ZFC3H1: variants seen among roughly 807,000 people sequenced by gnomAD.
ZFC3H1 encodes zinc finger C3H1-type containing, also known as zinc finger C3H1 domain-containing protein.
ZFC3H1 carries 71 observed loss-of-function variants against 243.7 expected under a neutral mutation model. The observed-to-expected ratio is 0.29, with a 90% CI of 0.24 to 0.36. ZFC3H1 has a LOEUF of 0.36. ZFC3H1 is among the 10% of genes least tolerant of loss of function. The pLI is 1.00. For synonymous variants in ZFC3H1, 838 were observed against 813.0 expected, an observed-to-expected ratio of 1.03 and a Z score of -0.52; for missense variants, 1,966 against 2,317.1, an observed-to-expected ratio of 0.85 and a Z score of 3.11.
chr12:71,626,487 C>A, intron 21 of ZFC3H1, 41 bp from the exon 22 acceptor site: 2 of 1,525,534 alleles, frequency 1.3e-6, no homozygotes, highest in South Asian at 2.5e-5. Context: ...TTTTTAGAAC[C>A]TGCTTGAAAA....
intron 6 of ZFC3H1, among the ~76,000 whole-genome samples, chr12:71,642,182 G>C (rs1880617345): frequency 6.6e-6 from 1 of 152,176 alleles, no homozygotes; most frequent in Non-Finnish European, 1.5e-5. Context: ...ACAGTTAACA[G>C]AGTTTAAACA....
chr12:71,655,892 T>C (rs576993654), intron 2 of ZFC3H1, among the ~76,000 whole-genome samples: 2 of 152,134 alleles, frequency 1.3e-5, no homozygotes, highest in African/African-American at 2.4e-5. Context: ...TCATTTGTAA[T>C]AGCCGAAAGT....
chr12:71,660,959 T>A lies in ZFC3H1; in HGVS notation c.598+2054A>T, dbSNP rs187242441. 6.6e-3 allele frequency among the ~76,000 whole-genome samples: 993 copies of A among 151,066 alleles called. 11 individuals are homozygous for A. The highest frequency in any genetic ancestry group is 0.022 in the African/African-American group (928 of 41,254). On this transcript the variant is annotated intron_variant, in intron 1 of 34. Coordinates refer to ENST00000378743, the MANE Select transcript of ZFC3H1 (RefSeq NM_144982.5). The stretch of plus-strand genomic sequence containing the variant: ...AAGACTTCGTCTCCCCAAAAAAAAA[T>A]TTTTTTAAATAAATTTAATAAAAAT...
Position 71,638,525 on chromosome 12 carries a change from A to C in ZFC3H1, c.1628-10T>G, listed in dbSNP as rs1239195543. 5.4e-5 allele frequency: 86 copies of C among 1,590,206 alleles called. No homozygotes were observed. The highest frequency in any genetic ancestry group is 7.0e-5 in the Non-Finnish European group (82 of 1,172,620). ...TGCACTGGTGAAGGAGCTGTAAAAA[A>C]ATTTTTTGTTAAGAGTTTAATAACA... On this transcript the variant is annotated splice_polypyrimidine_tract_variant and intron_variant, in intron 6 of 34. Coordinates refer to ENST00000378743, the MANE Select transcript of ZFC3H1 (RefSeq NM_144982.5).
At chr12:71,626,783 A>C (rs1253104396) in intron 21 of ZFC3H1, among the ~76,000 whole-genome samples, 1 of 152,210 alleles carries the variant, frequency 6.6e-6, no homozygotes, top group African/African-American at 2.4e-5. Context: ...ACCATTTGGG[A>C]ATGCGAAAAG....
chr12:71,616,286 G>C (rs1234113403), intron 27 of ZFC3H1, among the ~76,000 whole-genome samples: 2 of 152,044 alleles, frequency 1.3e-5, no homozygotes, highest in Non-Finnish European at 2.9e-5. Flanking sequence ...TATAAAGTGA[G>C]ACCCTTTCTT....
At chr12:71,656,233 A>T (rs1335644119) in intron 2 of ZFC3H1, 1 of 227,342 alleles carries the variant, frequency 4.4e-6, no homozygotes, top group African/African-American at 2.3e-5. Flanking sequence ...ACATTTGTCA[A>T]AACCTGAAGA....
In ZFC3H1 at chr12:71,642,486, T is replaced by C; in HGVS notation, c.1577A>G (p.Asp526Gly). The stretch of plus-strand genomic sequence containing the variant: ...ATCCATAGCAACTTCTTCATAGTTA[T>C]CATACTGATAAATGCCTCCTCCACT... ...TDSGGGIYQYDNYEEVAMDTD... is the reference protein window; with the variant it reads ...TDSGGGIYQYGNYEEVAMDTD... Residue 526 changes from aspartate to glycine, a missense_variant, in exon 6 of 35, where the codon GAT becomes GGT. Coordinates refer to ENST00000378743, the MANE Select transcript of ZFC3H1 (RefSeq NM_144982.5). 6.2e-7 allele frequency: 1 copy of C among 1,613,660 alleles called. No homozygotes were observed. Among genetic ancestry groups the C allele is most frequent in the Non-Finnish European group, 8.5e-7 (1 of 1,179,796 alleles).
At chr12:71,645,340 C>T (rs373356405) in intron 3 of ZFC3H1, among the ~76,000 whole-genome samples, 29 of 151,972 alleles carry the variant, frequency 1.9e-4, no homozygotes, top group African/African-American at 6.8e-4. Flanking sequence ...TGATAGAACA[C>T]GATAATGCAA....
At position 71,644,247 on chromosome 12, in the gene ZFC3H1, G is replaced by A; in HGVS notation, c.1351C>T (p.Gln451Ter). 1 of 1,612,280 alleles carries A rather than the reference G, an allele frequency of 6.2e-7. No homozygotes were observed. Among genetic ancestry groups the A allele is most frequent in the South Asian group, 1.1e-5 (1 of 90,938 alleles). ...TGTTTCCGCTGATCCTCTTCTTTCT[G>A]TCTTTCCTGCTCTTTTTGTTGTTGT... ...KLQQQKEQER[Q>*]KEEDQRKQAE... Residue 451 changes from glutamine (Q) to a stop codon, truncating the protein, a stop_gained, in exon 5 of 35, where the codon CAG (glutamine) becomes TAG (stop). Coordinates refer to ENST00000378743, the MANE Select transcript of ZFC3H1 (RefSeq NM_144982.5). LOFTEE classifies it high-confidence loss of function.
chr12:71,620,091 T>C lies in ZFC3H1; in HGVS notation c.4884A>G (p.Leu1628=). The C allele has an allele frequency of 6.2e-7, 1 of 1,612,132 alleles. No individual in the cohort carries two copies. Among genetic ancestry groups the C allele is most frequent in the African/African-American group, 1.3e-5 (1 of 74,662 alleles). ...GGCAGTTAATAGGACATGATTCCAATAAAGATTTACAAAGCTCCATTGCAG... is the reference window on the plus strand; with the variant it reads ...GGCAGTTAATAGGACATGATTCCAACAAAGATTTACAAAGCTCCATTGCAG... ...YEAAMELCKS[L]LESCPINCQL... is the part of the protein sequence containing the mutation. The change falls in exon 26 of 35, where the codon TTA becomes TTG. Residue 1628 remains leucine (L), a synonymous_variant. Transcript: ENST00000378743.
intron 26 of ZFC3H1, 36 bp from the exon 27 acceptor site, chr12:71,619,445 C>G (rs763759543): frequency 6.3e-7 from 1 of 1,575,152 alleles, no homozygotes; most frequent in South Asian, 1.1e-5. Context: ...ATATATCAGG[C>G]TTACAATGTT....
intron 1 of ZFC3H1, 67 bp from the exon 2 acceptor site, chr12:71,657,368 AG>A: frequency 1.8e-6 from 2 of 1,138,966 alleles, no homozygotes; most frequent in Non-Finnish European, 2.4e-6. Flanking sequence ...AAAAAAACTT[AG>A]ATTATAGATG....
chr12:71,634,026 C>T (rs1413971877), intron 12 of ZFC3H1, 129 bp downstream of exon 12: 3 of 935,006 alleles, frequency 3.2e-6, no homozygotes, highest in African/African-American at 1.7e-5. Flanking sequence ...AAATGACAGA[C>T]TTCTACATTC....
At chr12:71,613,613 T>C (rs553095683) in intron 30 of ZFC3H1, 178 bp from the exon 31 acceptor site, 9 of 489,418 alleles carry the variant, frequency 1.8e-5, no homozygotes, top group African/African-American at 9.9e-5. Flanking sequence ...TTTCCAAATA[T>C]GAATTAGGAA....
At chr12:71,614,975 T>A in intron 28 of ZFC3H1, 37 bp from the exon 29 acceptor site, 1 of 1,497,802 alleles carries the variant, frequency 6.7e-7, no homozygotes, top group Non-Finnish European at 9.3e-7. Context: ...TGTCTATCAT[T>A]CATTTCCATC....
In ZFC3H1 at chr12:71,620,075, T is replaced by C. The variant is rs930191999; in HGVS notation, c.4900A>G (p.Ile1634Val). ...LCKSLLESCP[I>V]NCQLLEALVA... ...AGAGCTTCCAGCAACTGGCAGTTAA[T>C]AGGACATGATTCCAATAAAGATTTA... Residue 1634 changes from isoleucine (I) to valine (V), a missense_variant, in exon 26 of 35, where the codon ATT becomes GTT. By Grantham distance (29) the Ile-to-Val change is conservative. This residue lies in a region of ZFC3H1 where 1,383 missense variants were observed against 1,723.7 expected (regional missense o/e 0.80). Transcript: ENST00000378743. The C allele has an allele frequency of 2.7e-5, 43 of 1,613,404 alleles. No individual in the cohort carries two copies. Among genetic ancestry groups the C allele is most frequent in the Non-Finnish European group, 3.5e-5 (41 of 1,179,906 alleles).
chr12:71,647,191 A>T (rs1880750107), intron 3 of ZFC3H1, among the ~76,000 whole-genome samples: 1 of 152,222 alleles, frequency 6.6e-6, no homozygotes, highest in Non-Finnish European at 1.5e-5. Context: ...CTAATTCAAC[A>T]AATTGAAAAG....
Position 71,647,733 on chromosome 12 carries a change from C to A in ZFC3H1, c.1080+16G>T. On this transcript the variant is annotated intron_variant, in intron 3 of 34. Coordinates refer to ENST00000378743, the MANE Select transcript of ZFC3H1 (RefSeq NM_144982.5). ...GGGTCTTACAGAGATGATAGTCTCA[C>A]AAAGCAGTATCTTACCTTTTCAGAC... 7.0e-7 allele frequency: 1 copy of A among 1,438,052 alleles called. No homozygotes were observed. Among genetic ancestry groups the A allele is most frequent in the Non-Finnish European group, 9.5e-7 (1 of 1,057,048 alleles). 89.1% of individuals were successfully genotyped at this position (1,438,052 alleles called of 1,614,324 possible).
Sources: allele counts gnomAD v4.1 joint callset (sites outside exome capture counted in the v4.1 genomes callset), GRCh38; gene constraint gnomAD v4.1.1; regional missense constraint gnomAD v4.1.1; transcripts MANE v1.5; gene names NCBI Gene and HGNC (gene_info 2026-07-23, HGNC 2026-07-21).